Variants in SZT2 observed in about 807,000 individuals in gnomAD.
SZT2 encodes KICSTOR complex protein SZT2.
A neutral mutation model predicts 404.2 loss-of-function variants in SZT2; 216 were observed. The ratio of observed to expected loss-of-function variants is 0.53; its 90% CI spans 0.48 to 0.60. SZT2 has a LOEUF of 0.60. Among genes scored for constraint, SZT2 ranks in the 20% least tolerant of loss-of-function variants. The probability of loss-of-function intolerance (pLI) is 0.00; values close to 1 mark genes in which losing one functional copy is unlikely to be tolerated. For synonymous variants in SZT2, 1,693 were observed against 1,749.9 expected (o/e 0.97, Z 0.81); for missense variants, 3,857 against 4,459.2 (o/e 0.86, Z 3.85).
At chr1:43,429,554 C>A (rs543346480) in intron 28 of SZT2, 149 bp from the exon 29 acceptor site, 2 of 899,478 alleles carry the variant, frequency 2.2e-6, no homozygotes, top group East Asian at 2.5e-5. Flanking sequence ...TAGGTTGGTT[C>A]TCTTTGCCTC....
chr1:43,432,220 G>A, intron 36 of SZT2, 52 bp from the exon 37 acceptor site: 2 of 1,507,302 alleles, frequency 1.3e-6, no homozygotes, highest in South Asian at 2.7e-5. Context: ...AGCTCACCAT[G>A]TGTAGGGAGG....
Position 43,420,459 on chromosome 1 carries a change from A to C in SZT2, c.1261+136A>C, listed in dbSNP as rs536049522. The C allele has an allele frequency of 1.1e-3, 1,304 of 1,204,604 alleles. 10 individuals are homozygous for C. Among genetic ancestry groups the C allele is most frequent in the Non-Finnish European group, 6.5e-4 (577 of 888,118 alleles). 74.6% of individuals were successfully genotyped at this position (1,204,604 alleles called of 1,614,324 possible). On this transcript the variant is annotated intron_variant, in intron 9 of 71. Transcript: ENST00000634258. The surrounding 1 kb of genome is among the most constrained non-coding windows in gnomAD (Gnocchi z 5.1). ...TTGAGACAGTGGGTTTTGAATTGTCATCAGGGCTTAATTCTCTTAGCATGG... is the reference window on the plus strand; with the variant it reads ...TTGAGACAGTGGGTTTTGAATTGTCCTCAGGGCTTAATTCTCTTAGCATGG...
At chr1:43,402,502 A>G (rs924041065) in intron 1 of SZT2, among the ~76,000 whole-genome samples, 3 of 152,174 alleles carry the variant, frequency 2.0e-5, no homozygotes, top group African/African-American at 4.8e-5. Flanking sequence ...ATATGTGTGG[A>G]TAAGGGAAAA....
intron 42 of SZT2, chr1:43,436,353 T>C (rs1379592859): frequency 2.0e-5 from 3 of 152,234 alleles, no homozygotes; most frequent in Non-Finnish European, 4.4e-5. Context: ...CAAAGGCATC[T>C]TCTGCAAATT....
intron 4 of SZT2, chr1:43,406,295 A>G (rs1465135186): frequency 2.1e-5 from 6 of 284,490 alleles, no homozygotes; most frequent in South Asian, 1.6e-4. Context: ...ACAGGGTTTC[A>G]CCATGTTGGC....
chr1:43,422,266 T>C, intron 12 of SZT2, 41 bp downstream of exon 12: 1 of 1,546,770 alleles, frequency 6.5e-7, no homozygotes, highest in South Asian at 1.2e-5. Context: ...GGGTGGAGTA[T>C]CGGGGTCAGG....
At position 43,450,470 on chromosome 1, in the gene SZT2, GCCT is replaced by G. The variant is rs764653113; in HGVS notation, c.10294_10296del (p.Leu3432del). 5 of 1,614,048 alleles carry G rather than the reference GCCT, an allele frequency of 3.1e-6. No homozygotes were observed. The highest frequency in any genetic ancestry group is 4.2e-6 in the Non-Finnish European group (5 of 1,179,976). Reference sequence around the variant, plus strand: ...ACAGCCTGTTTCACCCTCTGGACCCGCCTCCTCTGAGGGAGTGGACTGGACCAC... The same window carrying G: ...ACAGCCTGTTTCACCCTCTGGACCCGCCTCTGAGGGAGTGGACTGGACCAC... On this transcript the variant is annotated inframe_deletion, in exon 72 of 72. Transcript: ENST00000634258. The surrounding 1 kb of genome is among the most constrained non-coding windows in gnomAD (Gnocchi z 4.3).
At chr1:43,417,145 A>T (rs187766988) in intron 7 of SZT2, among the ~76,000 whole-genome samples, 8 of 152,346 alleles carry the variant, frequency 5.3e-5, no homozygotes, top group African/African-American at 1.9e-4. Flanking sequence ...GGTGATGCAG[A>T]TAGATAGAAG....
Position 43,433,096 on chromosome 1 carries a change from C to T in SZT2, c.5710C>T (p.Pro1904Ser), listed in dbSNP as rs777563821. The T allele has an allele frequency of 1.2e-6, 2 of 1,614,068 alleles. No homozygotes were observed. The highest frequency in any genetic ancestry group is 1.3e-5 in the African/African-American group (1 of 74,932). ...RTPPGPAPPQ[P>S]SLSGLPGPCL... ...TCCACCTGGGCCAGCACCTCCACAG[C>T]CTTCACTCTCAGGCCTCCCTGGGCC... Residue 1904 changes from proline to serine, a missense_variant, in exon 40 of 72, where the codon CCT (proline) becomes TCT (serine). Physicochemically the swap from Pro to Ser is moderately conservative, Grantham distance 74 (BLOSUM62 -1). Transcript: ENST00000634258.
At chr1:43,432,088 T>C (rs774197932) in intron 36 of SZT2, among the ~76,000 whole-genome samples, 184 bp from the exon 37 acceptor site, 25 of 152,194 alleles carry the variant, frequency 1.6e-4, no homozygotes, top group Non-Finnish European at 3.1e-4. Context: ...GAAACCCAGC[T>C]CCCAACCTGG....
chr1:43,405,647 T>A (rs1275415941), intron 4 of SZT2: 1 of 152,214 alleles, frequency 6.6e-6, no homozygotes, highest in Non-Finnish European at 1.5e-5. Context: ...ACAAAATTGG[T>A]GCATACCTGG....
chr1:43,451,246 C>A lies in SZT2; in HGVS notation c.*766C>A. 6.2e-7 allele frequency: 1 copy of A among 1,614,014 alleles called. No individual in the cohort carries two copies. The highest frequency in any genetic ancestry group is 1.3e-5 in the African/African-American group (1 of 75,054). On this transcript the variant is annotated 3_prime_UTR_variant, in exon 72 of 72. Coordinates refer to ENST00000634258, the MANE Select transcript of SZT2 (RefSeq NM_001365999.1). The stretch of plus-strand genomic sequence containing the variant: ...GGGTGGTGTGCGGGCCCTCACTGGC[C>A]AGCCTCTGGGTGGCCCCGCCTATCC...
Position 43,439,285 on chromosome 1 carries a change from A to G in SZT2, c.6793-73A>G, listed in dbSNP as rs1292368960. The G allele has an allele frequency of 5.1e-6, 8 of 1,565,836 alleles. No homozygotes were observed. Among genetic ancestry groups the G allele is most frequent in the Non-Finnish European group, 6.2e-6 (7 of 1,137,742 alleles). Reference sequence around the variant, plus strand: ...CATATCTACCTGCACCACATTCCCCACTGTGGGCACCCATCCCCGAGGGTT... The same window carrying G: ...CATATCTACCTGCACCACATTCCCCGCTGTGGGCACCCATCCCCGAGGGTT... On this transcript the variant is annotated intron_variant, in intron 48 of 71. Coordinates refer to ENST00000634258, the MANE Select transcript of SZT2 (RefSeq NM_001365999.1). This position sits in a 1 kb window ranked among gnomAD's most constrained non-coding sequence, Gnocchi z 4.2.
Position 43,453,670 on chromosome 1 carries a change from C to T in SZT2, c.*3190C>T. On this transcript the variant is annotated 3_prime_UTR_variant, in exon 72 of 72. Coordinates refer to ENST00000634258, the MANE Select transcript of SZT2 (RefSeq NM_001365999.1). ...CGCGCCAGCGCCTCAGGCGTCTCCG[C>T]GTACGGCCAGGCCACCTCGACGGCC... The T allele has an allele frequency of 6.8e-7, 1 of 1,480,522 alleles. No individual in the cohort carries two copies. The highest frequency in any genetic ancestry group is 8.9e-7 in the Non-Finnish European group (1 of 1,123,848). The allele number at this position is 1,480,522 out of a possible 1,614,324, so 91.7% of individuals were successfully genotyped here.
Position 43,426,921 on chromosome 1 carries a change from A to T in SZT2, c.3309+112A>T. ...TGAGACTAAATGGCATCTGCCAATG[A>T]CACAATGCCGTCATTTTCCATTGTC... On this transcript the variant is annotated intron_variant, in intron 23 of 71. Coordinates refer to ENST00000634258, the MANE Select transcript of SZT2 (RefSeq NM_001365999.1). The surrounding 1 kb of genome is among the most constrained non-coding windows in gnomAD (Gnocchi z 4.9). 1 of 1,549,974 alleles carries T rather than the reference A, an allele frequency of 6.5e-7. No homozygotes were observed. Among genetic ancestry groups the T allele is most frequent in the East Asian group, 2.3e-5 (1 of 44,316 alleles).
chr1:43,437,502 A>G lies in SZT2; in HGVS notation c.6284A>G (p.Tyr2095Cys), dbSNP rs947784174. The change falls in exon 44 of 72, where the codon TAT (tyrosine) becomes TGT (cysteine). Residue 2095 changes from tyrosine (Y) to cysteine (C), a missense_variant. Tyr to Cys is a radical substitution (Grantham distance 194). Transcript: ENST00000634258. This position sits in a 1 kb window ranked among gnomAD's most constrained non-coding sequence, Gnocchi z 5.3. Reference protein sequence around the residue: ...YQERATKAVYYLRLLETSCSD... With the variant: ...YQERATKAVYCLRLLETSCSD... The stretch of plus-strand genomic sequence containing the variant: ...GAGCGAGCAACAAAGGCTGTGTACT[A>G]TCTTCGGTATGTGGCCCTTGGAAGG... The G allele has an allele frequency of 1.2e-6, 2 of 1,614,128 alleles. No homozygotes were observed. The highest frequency in any genetic ancestry group is 1.3e-5 in the African/African-American group (1 of 75,038).
At position 43,434,457 on chromosome 1, in the gene SZT2, T is replaced by C. The variant is rs141053867; in HGVS notation, c.5876T>C (p.Val1959Ala). ...RHLQQLLVRR[V>A]GEICREVNQR... ...CTGCAGCAGCTCCTGGTGAGGCGAG[T>C]TGGGGAGATCTGCAGGGAGGTCAAC... is the stretch of plus-strand genomic sequence containing the variant. Residue 1959 changes from valine (V) to alanine (A), a missense_variant, in exon 41 of 72, where the codon GTT (valine) becomes GCT (alanine). Val to Ala is a moderately conservative substitution (Grantham distance 64). Around this residue, in one of 7 missense-constraint regions of SZT2, gnomAD observed 1,725 missense variants for 1,881.0 expected, o/e 0.92. Coordinates refer to ENST00000634258, the MANE Select transcript of SZT2 (RefSeq NM_001365999.1). 6.2e-5 allele frequency: 99 copies of C among 1,597,170 alleles called. 1 individual carries two copies. Among genetic ancestry groups the C allele is most frequent in the Admixed American group, 3.0e-4 (17 of 56,602 alleles).
chr1:43,429,378 T>G (rs1570662804), intron 28 of SZT2: 1 of 246,650 alleles, frequency 4.1e-6, no homozygotes, highest in Non-Finnish European at 8.0e-6. Flanking sequence ...ACAAAAGAAT[T>G]TAAAAATTAG....
chr1:43,394,107 T>C (rs1364655933), intron 1 of SZT2: 1 of 984,212 alleles, frequency 1.0e-6, no homozygotes, highest in Non-Finnish European at 1.2e-6. Flanking sequence ...TCCATGTGAG[T>C]GTGGATGCTC....
Sources: allele counts gnomAD v4.1 joint callset (sites outside exome capture counted in the v4.1 genomes callset), GRCh38; gene constraint gnomAD v4.1.1; regional missense constraint gnomAD v4.1.1; non-coding constraint Gnocchi (gnomAD v3.1); transcripts MANE v1.5; gene names NCBI Gene and HGNC (gene_info 2026-07-23, HGNC 2026-07-21).